LRIG2: variants seen among roughly 807,000 people sequenced by gnomAD.
LRIG2 encodes the protein leucine-rich repeats and immunoglobulin-like domains protein 2.
LRIG2 carries 93 observed loss-of-function variants against 107.8 expected under a neutral mutation model. That is an observed-to-expected ratio of 0.86 (90% CI 0.73 to 1.03). LRIG2 has a LOEUF of 1.03. Among genes scored for constraint, LRIG2 ranks in the 50% least tolerant of loss-of-function variants. The pLI, the probability that LRIG2 is intolerant of heterozygous loss-of-function variation, is 0.00. For missense variants in LRIG2, 1,226 were observed against 1,296.0 expected, an observed-to-expected ratio of 0.95 and a Z score of 0.83; for synonymous variants, 471 against 470.6, an observed-to-expected ratio of 1.00 and a Z score of -0.01.
At chr1:113,091,431 C>T in intron 2 of LRIG2, 48 bp downstream of exon 2, 6 of 1,217,390 alleles carry the variant, frequency 4.9e-6, no homozygotes, top group Non-Finnish European at 7.0e-6. Context: ...CCTGAGGGAA[C>T]TTAATAAATT....
intron 11 of LRIG2, among the ~76,000 whole-genome samples, chr1:113,104,880 G>C (rs1654466944): frequency 6.6e-6 from 1 of 152,114 alleles, no homozygotes. Flanking sequence ...GGGCACGATG[G>C]CTCATGTCTG....
chr1:113,114,426 G>T lies in LRIG2; in HGVS notation c.2081-1G>T. ...TTTTTTTTTTAATGTTTTCCTGTTAGAGACACCCTCATTTATTAGACCCCT... is the reference window on the plus strand; with the variant it reads ...TTTTTTTTTTAATGTTTTCCTGTTATAGACACCCTCATTTATTAGACCCCT... On this transcript the variant is annotated splice_acceptor_variant, in intron 14 of 17. Transcript: ENST00000361127. LOFTEE classifies it high-confidence loss of function. 1.9e-6 allele frequency: 3 copies of T among 1,549,460 alleles called. No individual in the cohort carries two copies. The highest frequency in any genetic ancestry group is 1.7e-6 in the Non-Finnish European group (2 of 1,146,764).
chr1:113,112,318 T>C (rs1282020824), intron 13 of LRIG2, among the ~76,000 whole-genome samples, 161 bp from the exon 14 acceptor site: 1 of 152,100 alleles, frequency 6.6e-6, no homozygotes, highest in Admixed American at 6.6e-5. Context: ...TTTTTTTAAA[T>C]TTATAAAACT....
chr1:113,076,334 G>A (rs17030972), intron 1 of LRIG2, among the ~76,000 whole-genome samples: 2,681 of 152,256 alleles, frequency 0.018, 78 homozygotes, highest in African/African-American at 0.058. Flanking sequence ...AAGATTCTCC[G>A]TTGGTTGGTA....
intron 1 of LRIG2, among the ~76,000 whole-genome samples, chr1:113,091,079 G>A (rs1315342028): frequency 1.3e-5 from 2 of 151,704 alleles, no homozygotes; most frequent in Non-Finnish European, 2.9e-5. Context: ...CTGACCTCAG[G>A]TGATCTGCCA....
In LRIG2 at chr1:113,097,773, G is replaced by GGTA. The variant is rs1654129375; in HGVS notation, c.1092-930_1092-928dup. ...GGCTTTAGCCTCATGCTCTTGCCAG[G>GGTA]GTAGATACAGTTCTTAATTTGTTGA... On this transcript the variant is annotated intron_variant, in intron 8 of 17. Transcript: ENST00000361127. Among the ~76,000 whole-genome samples the GGTA allele has an allele frequency of 2.0e-5, 3 of 152,262 alleles. No individual in the cohort carries two copies. The South Asian group carries it at 6.2e-4, about 32-fold the overall frequency.
At chr1:113,105,071 G>C (rs887461095) in intron 11 of LRIG2, among the ~76,000 whole-genome samples, 2 of 152,000 alleles carry the variant, frequency 1.3e-5, no homozygotes, top group Non-Finnish European at 2.9e-5. Context: ...GCTTGAACCT[G>C]GGAGGTGGAG....
At chr1:113,109,811 G>A (rs545762247) in intron 12 of LRIG2, among the ~76,000 whole-genome samples, 6 of 152,280 alleles carry the variant, frequency 3.9e-5, no homozygotes, top group South Asian at 2.1e-4. Context: ...GAGCCACCGT[G>A]CCTGGCCATA....
rs1655410422 is a variant in LRIG2 at position 113,124,634 on chromosome 1, G to A, written c.*533G>A. On this transcript the variant is annotated 3_prime_UTR_variant, in exon 18 of 18. Transcript: ENST00000361127. ...TCCCAGGCTTGACCAACTGGTACCA[G>A]GTCAAAGATTTTTGTATTCTTGTGA... 6.5e-6 allele frequency: 1 copy of A among 153,380 alleles called. No homozygotes were observed. The highest frequency in any genetic ancestry group is 1.5e-5 in the Non-Finnish European group (1 of 68,716). The allele number at this position is 153,380 out of a possible 1,614,324, so 9.5% of individuals were successfully genotyped here.
In LRIG2 at chr1:113,131,794, G is replaced by C. The variant is rs1655707738; in HGVS notation, c.*7693G>C. On this transcript the variant is annotated 3_prime_UTR_variant, in exon 18 of 18. Transcript: ENST00000361127. ...CATCTGAAGGTTTTGTCAGTAGTAA[G>C]GTAGGTTTTGTGTGTGTGTGTGTGT... The C allele has an allele frequency of 7.7e-6, 1 of 130,704 alleles. No individual in the cohort carries two copies. Among genetic ancestry groups the C allele is most frequent in the Non-Finnish European group, 1.6e-5 (1 of 62,626 alleles). 8.1% of individuals were successfully genotyped at this position (130,704 alleles called of 1,614,324 possible). A position where few individuals can be genotyped will look rare whatever the true frequency, so the allele number is the denominator to read the frequency against.
chr1:113,074,618 T>C (rs1652869163), intron 1 of LRIG2, among the ~76,000 whole-genome samples: 1 of 152,008 alleles, frequency 6.6e-6, no homozygotes, highest in South Asian at 2.1e-4. Flanking sequence ...TAAGAAAGAG[T>C]CATCAATGGG....
intron 2 of LRIG2, among the ~76,000 whole-genome samples, chr1:113,092,594 C>T (rs1653877552): frequency 6.6e-6 from 1 of 152,060 alleles, no homozygotes; most frequent in South Asian, 2.1e-4. Flanking sequence ...CTGCCATAAA[C>T]CCAACTTATT....
In LRIG2 at chr1:113,129,326, A is replaced by AAAAAC. The variant is rs1471408202; in HGVS notation, c.*5227_*5228insAACAA. 32 of 151,378 alleles carry AAAAAC rather than the reference A, an allele frequency of 2.1e-4. 1 individual carries two copies. Among genetic ancestry groups the AAAAAC allele is most frequent in the African/African-American group, 7.8e-4 (32 of 41,222 alleles). The allele number at this position is 151,378 out of a possible 1,614,324, so 9.4% of individuals were successfully genotyped here. ...CTCCGTCTCAAAAAAAAAAAAAAAA[A>AAAAAC]AACCCGTGTAGGAGTACTGCCTCTC... On this transcript the variant is annotated 3_prime_UTR_variant, in exon 18 of 18. Coordinates refer to ENST00000361127, the MANE Select transcript of LRIG2 (RefSeq NM_014813.3).
Position 113,124,547 on chromosome 1 carries a change from T to C in LRIG2, c.*446T>C, listed in dbSNP as rs1655408238. On this transcript the variant is annotated 3_prime_UTR_variant, in exon 18 of 18. Coordinates refer to ENST00000361127, the MANE Select transcript of LRIG2 (RefSeq NM_014813.3). ...CTTCTGGGAAGTGTGCCTGGGATTC[T>C]TCAGTGGTTTCAGGCAGATAGTTGA... 6.0e-6 allele frequency: 1 copy of C among 165,394 alleles called. No homozygotes were observed. The allele number at this position is 165,394 out of a possible 1,614,324, so 10.2% of individuals were successfully genotyped here.
chr1:113,118,839 T>C (rs1332817443), intron 16 of LRIG2, among the ~76,000 whole-genome samples: 1 of 152,182 alleles, frequency 6.6e-6, no homozygotes, highest in Non-Finnish European at 1.5e-5. Context: ...TAATTTTTTG[T>C]ATTTTTAGTA....
At chr1:113,107,010 A>T (rs1249889734) in intron 11 of LRIG2, among the ~76,000 whole-genome samples, 1 of 151,980 alleles carries the variant, frequency 6.6e-6, no homozygotes, top group African/African-American at 2.4e-5. Flanking sequence ...CTTTTTGCTG[A>T]ATTTGTTCTA....
chr1:113,097,735 T>C (rs1654127645), intron 8 of LRIG2, among the ~76,000 whole-genome samples: 1 of 152,226 alleles, frequency 6.6e-6, no homozygotes, highest in African/African-American at 2.4e-5. Flanking sequence ...TAGGATCAAA[T>C]CTGGGGAATT....
Position 113,100,198 on chromosome 1 carries a change from GT to G in LRIG2, c.1173-10del. ...GTGGAGAGCTTTCTTAGAAAGATCT[GT>G]TTATATTTCAGAATCTTACAAGGAA... On this transcript the variant is annotated splice_polypyrimidine_tract_variant and intron_variant, in intron 9 of 17. Coordinates refer to ENST00000361127, the MANE Select transcript of LRIG2 (RefSeq NM_014813.3). 1 of 1,506,022 alleles carries G rather than the reference GT, an allele frequency of 6.6e-7. No individual in the cohort carries two copies. The highest frequency in any genetic ancestry group is 9.1e-7 in the Non-Finnish European group (1 of 1,097,232). The allele number at this position is 1,506,022 out of a possible 1,614,324, so 93.3% of individuals were successfully genotyped here.
At chr1:113,105,920 A>G (rs542784845) in intron 11 of LRIG2, among the ~76,000 whole-genome samples, 1 of 152,242 alleles carries the variant, frequency 6.6e-6, no homozygotes, top group South Asian at 2.1e-4. Flanking sequence ...ATGTAAGTCA[A>G]TTTTTTTCAT....
Sources: gnomAD v4.1 joint callset for allele counts (sites outside exome capture counted in the v4.1 genomes callset) on GRCh38, gnomAD v4.1.1 for gene constraint, MANE v1.5 for transcripts, NCBI Gene and HGNC (gene_info 2026-07-23, HGNC 2026-07-21) for gene names.